NTRK2: variants seen among roughly 807,000 people sequenced by gnomAD.
NTRK2 encodes the protein neurotrophic receptor tyrosine kinase 2.
In NTRK2, 13 loss-of-function variants were observed where a neutral mutation model predicts 94.5. The observed-to-expected ratio is 0.14, with a 90% confidence interval of 0.09 to 0.22. NTRK2 has a LOEUF of 0.22. Ranked by LOEUF, NTRK2 falls within the 10% of genes least tolerant of loss-of-function variation. NTRK2 has a pLI of 1.00. For synonymous variants in NTRK2, 372 were observed against 407.4 expected (o/e 0.91, Z 1.05); for missense variants, 639 against 1,071.2 (o/e 0.60, Z 5.63).
Position 84,950,804 on chromosome 9 carries a change from T to C in NTRK2, c.1937+2170T>C, listed in dbSNP as rs1404072600. ...TGGACTGAGAGGTAATCAAGAAATG[T>C]TGTCCTCACAATCTTTCACAATACT... On this transcript the variant is annotated intron_variant, in intron 16 of 18. Coordinates refer to ENST00000277120, the MANE Select transcript of NTRK2 (RefSeq NM_006180.6). Among the ~76,000 whole-genome samples the C allele has an allele frequency of 2.0e-5, 3 of 152,316 alleles. No homozygotes were observed. In the East Asian group the frequency reaches 5.8e-4, roughly 29 times the overall value.
intron 12 of NTRK2, among the ~76,000 whole-genome samples, chr9:84,844,718 T>C (rs1048417112): frequency 6.6e-6 from 1 of 151,908 alleles, no homozygotes; most frequent in Non-Finnish European, 1.5e-5. Context: ...TGTTTCTATT[T>C]ATTCGTGGCT....
In NTRK2 at chr9:84,670,503, G is replaced by A; in HGVS notation, c.-246G>A. On this transcript the variant is annotated 5_prime_UTR_variant, in exon 2 of 19. Transcript: ENST00000277120. ...GCAGCGACGGCCGCCGCGGAGCTCC[G>A]AGCAGCGGTAGCGCCCCCCTGTAAA... 1 of 536,288 alleles carries A rather than the reference G, an allele frequency of 1.9e-6. No homozygotes were observed. Among genetic ancestry groups the A allele is most frequent in the Non-Finnish European group, 3.4e-6 (1 of 297,126 alleles). 33.2% of individuals were successfully genotyped at this position (536,288 alleles called of 1,614,324 possible).
chr9:84,835,294 C>G (rs970312225), intron 12 of NTRK2, among the ~76,000 whole-genome samples: 5 of 152,122 alleles, frequency 3.3e-5, no homozygotes, highest in African/African-American at 9.7e-5. Context: ...TCATCATTAT[C>G]AATCATCACA....
chr9:84,730,411 G>T (rs2062755572), intron 9 of NTRK2, among the ~76,000 whole-genome samples: 2 of 151,860 alleles, frequency 1.3e-5, no homozygotes, highest in South Asian at 4.1e-4. Context: ...ACCTTTCTTA[G>T]AATTGCTTCC....
At position 84,769,694 on chromosome 9, in the gene NTRK2, C is replaced by T. The variant is rs1164886683; in HGVS notation, c.1396+17609C>T. On this transcript the variant is annotated intron_variant, in intron 12 of 18. Transcript: ENST00000277120. ...CTCTTTCCCATGACTTCAGTCTGAG[C>T]AGGGTCTGTGCCCTCCATTAGGGAC... Among the ~76,000 whole-genome samples the T allele has an allele frequency of 4.6e-5, 7 of 152,322 alleles. No individual in the cohort carries two copies. In the East Asian group the frequency reaches 1.4e-3, roughly 29 times the overall value.
At chr9:84,792,239 A>G (rs912691791) in intron 12 of NTRK2, among the ~76,000 whole-genome samples, 4 of 152,236 alleles carry the variant, frequency 2.6e-5, no homozygotes, top group Non-Finnish European at 5.9e-5. Flanking sequence ...TTTTTATTCA[A>G]CTGACATTTG....
chr9:84,840,898 T>C (rs1296856819), intron 12 of NTRK2, among the ~76,000 whole-genome samples: 1 of 152,190 alleles, frequency 6.6e-6, no homozygotes, highest in Non-Finnish European at 1.5e-5. Flanking sequence ...ACTTGGCCTG[T>C]TGGAGGCACC....
intron 12 of NTRK2, among the ~76,000 whole-genome samples, chr9:84,780,538 C>T (rs542161365): frequency 1.1e-4 from 17 of 152,290 alleles, no homozygotes; most frequent in African/African-American, 3.4e-4. Context: ...CCTAAATCAA[C>T]GTAGGCAGAT....
chr9:84,905,409 C>G (rs778135330), intron 14 of NTRK2, among the ~76,000 whole-genome samples: 1 of 152,040 alleles, frequency 6.6e-6, no homozygotes, highest in Non-Finnish European at 1.5e-5. Flanking sequence ...TCTGCTTCAC[C>G]TGAAGGATAG....
Position 84,815,709 on chromosome 9 carries a change from T to C in NTRK2, c.1397-45331T>C, listed in dbSNP as rs201295757. On this transcript the variant is annotated intron_variant, in intron 12 of 18. Coordinates refer to ENST00000277120, the MANE Select transcript of NTRK2 (RefSeq NM_006180.6). The stretch of plus-strand genomic sequence containing the variant: ...AATAAAGTTTGATAATTCATCTCCA[T>C]GTGTCTTGCATTCTCTGTAGATCTT... 2,977 of 1,008,574 alleles carry C rather than the reference T, an allele frequency of 3.0e-3. 3 individuals carry two copies. The highest frequency in any genetic ancestry group is 3.7e-3 in the Admixed American group (62 of 16,808). The allele number at this position is 1,008,574 out of a possible 1,614,324, so 62.5% of individuals were successfully genotyped here. A position where few individuals can be genotyped will look rare whatever the true frequency, so the allele number is the denominator to read the frequency against.
intron 9 of NTRK2, among the ~76,000 whole-genome samples, chr9:84,734,707 G>A (rs191344088): frequency 6.6e-6 from 1 of 152,286 alleles, no homozygotes; most frequent in East Asian, 1.9e-4. Flanking sequence ...CTGCTGCCAT[G>A]TAAGACGTGT....
intron 2 of NTRK2, among the ~76,000 whole-genome samples, chr9:84,671,514 A>G (rs2058695409): frequency 6.6e-6 from 1 of 152,184 alleles, no homozygotes; most frequent in African/African-American, 2.4e-5. Flanking sequence ...TGGCCTTGAA[A>G]ATGATCTGTA....
At chr9:84,776,134 T>A (rs528456882) in intron 12 of NTRK2, among the ~76,000 whole-genome samples, 2 of 150,062 alleles carry the variant, frequency 1.3e-5, no homozygotes, top group South Asian at 2.2e-4. Context: ...TCCAACTAGA[T>A]GGATAGATAG....
Position 84,670,886 on chromosome 9 carries a change from C to T in NTRK2, c.138C>T (p.Ser46=), listed in dbSNP as rs376605075. ...GCAGTGCCTCTCGGATCTGGTGCAGCGACCCTTCTCCTGGCATCGTGGCAT... is the reference window on the plus strand; with the variant it reads ...GCAGTGCCTCTCGGATCTGGTGCAGTGACCCTTCTCCTGGCATCGTGGCAT... The part of the protein sequence containing the change: ...CKCSASRIWC[S]DPSPGIVAFP... The change falls in exon 2 of 19, where the codon AGC becomes AGT. Residue 46 remains serine, a synonymous_variant. Coordinates refer to ENST00000277120, the MANE Select transcript of NTRK2 (RefSeq NM_006180.6). The T allele has an allele frequency of 1.3e-5, 21 of 1,613,036 alleles. No individual in the cohort carries two copies. The highest frequency in any genetic ancestry group is 1.2e-4 in the South Asian group (11 of 91,084).
intron 17 of NTRK2, among the ~76,000 whole-genome samples, chr9:84,996,505 G>A (rs934916929): frequency 6.6e-6 from 1 of 152,206 alleles, no homozygotes; most frequent in African/African-American, 2.4e-5. Context: ...GCTATCTCCT[G>A]ACATCACACA....
At chr9:84,885,789 A>G (rs1404576326) in intron 14 of NTRK2, among the ~76,000 whole-genome samples, 4 of 152,182 alleles carry the variant, frequency 2.6e-5, no homozygotes, top group Admixed American at 2.6e-4. Flanking sequence ...GCACTTTGGG[A>G]GGCCGAGGCA....
chr9:84,868,752 C>T (rs935722637), intron 14 of NTRK2, among the ~76,000 whole-genome samples: 3 of 152,078 alleles, frequency 2.0e-5, no homozygotes, highest in Non-Finnish European at 4.4e-5. Context: ...TTGGAATGCC[C>T]TGTACACAGA....
chr9:84,761,330 G>A (rs982251271), intron 12 of NTRK2, among the ~76,000 whole-genome samples: 1 of 152,192 alleles, frequency 6.6e-6, no homozygotes, highest in African/African-American at 2.4e-5. Context: ...GAGGGAGAAT[G>A]TTGAGAATGA....
intron 12 of NTRK2, among the ~76,000 whole-genome samples, chr9:84,840,245 G>A (rs1409778232): frequency 6.7e-6 from 1 of 149,218 alleles, no homozygotes; most frequent in East Asian, 2.0e-4. Flanking sequence ...TGCATTCCAG[G>A]ACCACAATCA....
Sources: gnomAD v4.1 joint callset for allele counts (sites outside exome capture counted in the v4.1 genomes callset) on GRCh38, gnomAD v4.1.1 for gene constraint, MANE v1.5 for transcripts, NCBI Gene and HGNC (gene_info 2026-07-23, HGNC 2026-07-21) for gene names.